Variants in FUT8 observed in about 807,000 individuals in gnomAD.
The protein encoded by FUT8 is fucosyltransferase 8.
Under a neutral mutation model 71.3 loss-of-function variants are expected in FUT8, and 29 were observed. That is an observed-to-expected ratio of 0.41 (90% CI 0.30 to 0.55). The LOEUF (loss-of-function observed/expected upper bound fraction) is 0.55, where lower values mean the gene tolerates loss of function less well. FUT8 is among the 20% of genes least tolerant of loss of function. FUT8 has a pLI of 0.34. For synonymous variants in FUT8, 254 were observed against 239.3 expected (o/e 1.06, Z -0.57); for missense variants, 544 against 702.1 (o/e 0.77, Z 2.55).
intron 2 of FUT8, among the ~76,000 whole-genome samples, chr14:65,468,794 T>C (rs1483872554): frequency 6.6e-6 from 1 of 152,098 alleles, no homozygotes; most frequent in African/African-American, 2.4e-5. Flanking sequence ...TTTTTCCTTC[T>C]CTTTACTCTT....
chr14:65,407,385 C>T (rs1297992712), upstream of FUT8, among the ~76,000 whole-genome samples: 2 of 152,138 alleles, frequency 1.3e-5, no homozygotes, highest in African/African-American at 4.8e-5. Context: ...AAATTACTCT[C>T]TCTCCTTGTT....
chr14:65,609,578 C>G (rs185200986), intron 3 of FUT8, among the ~76,000 whole-genome samples: 3 of 151,776 alleles, frequency 2.0e-5, no homozygotes, highest in African/African-American at 7.2e-5. Flanking sequence ...GGCCTATTCC[C>G]GGACTCTTTT....
intron 3 of FUT8, among the ~76,000 whole-genome samples, chr14:65,611,217 GCGCGCGCACACACACACACACACACA>G (rs1566851092): frequency 9.4e-4 from 3 of 3,178 alleles, no homozygotes; most frequent in Non-Finnish European, 1.5e-3. Context: ...GCGCGCGCGC[GCGCGCGCACACACACACACACACACA>G]CACACACACA....
chr14:65,552,959 G>A (rs1490222748), intron 2 of FUT8, among the ~76,000 whole-genome samples: 1 of 152,070 alleles, frequency 6.6e-6, no homozygotes, highest in Non-Finnish European at 1.5e-5. Flanking sequence ...GAGGAAATAC[G>A]TTCTTTTTTT....
At chr14:65,494,407 A>G (rs975168433) in intron 2 of FUT8, among the ~76,000 whole-genome samples, 10 of 152,106 alleles carry the variant, frequency 6.6e-5, no homozygotes, top group Admixed American at 5.9e-4. Context: ...TTTACATACT[A>G]TTAGAAGAGA....
chr14:65,446,364 A>G (rs2139514022), intron 1 of FUT8, among the ~76,000 whole-genome samples: 1 of 152,326 alleles, frequency 6.6e-6, no homozygotes, highest in South Asian at 2.1e-4. Context: ...TGGCAAGGCA[A>G]TAGGAAGTGT....
At chr14:65,580,153 G>T (rs1887006114) in intron 3 of FUT8, among the ~76,000 whole-genome samples, 1 of 149,380 alleles carries the variant, frequency 6.7e-6, no homozygotes, top group East Asian at 2.0e-4. Context: ...GATTTTTGTG[G>T]CTGTATGAAC....
intron 1 of FUT8, among the ~76,000 whole-genome samples, chr14:65,424,544 T>C (rs1265430835): frequency 1.3e-4 from 19 of 146,274 alleles, no homozygotes; most frequent in Non-Finnish European, 2.2e-4. Flanking sequence ...CTTTTCTTTT[T>C]TTTTTTTTTT....
chr14:65,553,700 G>A (rs1014122868), intron 2 of FUT8, among the ~76,000 whole-genome samples: 2 of 151,214 alleles, frequency 1.3e-5, no homozygotes, highest in African/African-American at 4.9e-5. Context: ...TATCTAGAAT[G>A]CTCAGTTGCC....
At chr14:65,584,481 G>A (rs1373397298) in intron 3 of FUT8, among the ~76,000 whole-genome samples, 1 of 152,082 alleles carries the variant, frequency 6.6e-6, no homozygotes, top group Non-Finnish European at 1.5e-5. Context: ...CGCCCAGTCT[G>A]TTTACTTCTT....
chr14:65,707,572 CACT>C (rs1212918526), intron 7 of FUT8, among the ~76,000 whole-genome samples: 2 of 152,062 alleles, frequency 1.3e-5, no homozygotes, highest in Non-Finnish European at 2.9e-5. Flanking sequence ...TTGCCCACAC[CACT>C]GTCATGAAGC....
At chr14:65,444,258 C>A (rs1374258976) in intron 1 of FUT8, among the ~76,000 whole-genome samples, 1 of 152,122 alleles carries the variant, frequency 6.6e-6, no homozygotes, top group African/African-American at 2.4e-5. Context: ...CCATTACTTA[C>A]CTATTAGAAA....
chr14:65,565,714 A>G (rs868658936), intron 3 of FUT8, among the ~76,000 whole-genome samples: 6 of 152,028 alleles, frequency 3.9e-5, no homozygotes, highest in Middle Eastern at 3.4e-3. Flanking sequence ...TAACAGATAT[A>G]TAATACTATC....
chr14:65,436,426 C>T (rs568190757), intron 1 of FUT8, among the ~76,000 whole-genome samples: 129 of 151,986 alleles, frequency 8.5e-4, no homozygotes, highest in African/African-American at 2.9e-3. Flanking sequence ...GTCAGGAGAT[C>T]GAGACCATCC....
intron 7 of FUT8, among the ~76,000 whole-genome samples, chr14:65,677,906 T>G (rs1892845334): frequency 6.6e-6 from 1 of 152,150 alleles, no homozygotes; most frequent in Non-Finnish European, 1.5e-5. Flanking sequence ...GCTAAAGCAA[T>G]CAGAGACTTC....
At chr14:65,584,471 C>T (rs541234925) in intron 3 of FUT8, among the ~76,000 whole-genome samples, 2 of 152,294 alleles carry the variant, frequency 1.3e-5, no homozygotes, top group East Asian at 1.9e-4. Context: ...TGAGCCTCCG[C>T]GCCCAGTCTG....
chr14:65,532,299 T>TTAATAATAGCCATTCTGAC (rs1467719340), intron 2 of FUT8, among the ~76,000 whole-genome samples: 5 of 152,242 alleles, frequency 3.3e-5, no homozygotes, highest in Non-Finnish European at 5.9e-5. Context: ...TTTTTACTTT[T>TTAATAATAGCCATTCTGAC]TAATAATAGC....
chr14:65,739,957 A>G (rs1896411192), intron 10 of FUT8, among the ~76,000 whole-genome samples: 1 of 152,084 alleles, frequency 6.6e-6, no homozygotes, highest in African/African-American at 2.4e-5. Flanking sequence ...GACAGTTAGC[A>G]AAAGCTCAGT....
At chr14:65,538,143 C>G (rs1389945523) in intron 2 of FUT8, among the ~76,000 whole-genome samples, 1 of 152,188 alleles carries the variant, frequency 6.6e-6, no homozygotes, top group African/African-American at 2.4e-5. Flanking sequence ...GGCTGTGCTC[C>G]ACTACAGATG....
Sources: allele counts gnomAD v4.1 joint callset (sites outside exome capture counted in the v4.1 genomes callset), GRCh38; gene constraint gnomAD v4.1.1; transcripts MANE v1.5; gene names NCBI Gene and HGNC (gene_info 2026-07-23, HGNC 2026-07-21).